RNF111: variants seen among roughly 807,000 people sequenced by gnomAD.
RNF111 encodes the protein E3 ubiquitin-protein ligase Arkadia.
Under a neutral mutation model 95.1 loss-of-function variants are expected in RNF111, and 17 were observed. That is an observed-to-expected ratio of 0.18 (90% CI 0.12 to 0.27). RNF111 has a LOEUF of 0.27. Among genes scored for constraint, RNF111 ranks in the 10% least tolerant of loss-of-function variants. The probability of loss-of-function intolerance (pLI) is 1.00; values close to 1 mark genes in which losing one functional copy is unlikely to be tolerated. For synonymous variants in RNF111, 440 were observed against 414.8 expected, an observed-to-expected ratio of 1.06 and a Z score of -0.74; for missense variants, 1,189 against 1,210.4, an observed-to-expected ratio of 0.98 and a Z score of 0.26.
intron 1 of RNF111, among the ~76,000 whole-genome samples, chr15:59,003,103 CTG>C (rs774524194): frequency 2.6e-5 from 4 of 152,162 alleles, no homozygotes; most frequent in Non-Finnish European, 4.4e-5. Flanking sequence ...AGTGATCCTA[CTG>C]CCTGTTTAAT....
intron 1 of RNF111, among the ~76,000 whole-genome samples, chr15:59,008,112 A>C (rs1042943077): frequency 9.2e-5 from 14 of 152,238 alleles, no homozygotes; most frequent in Non-Finnish European, 1.5e-4. Context: ...TGTTTTTTCT[A>C]GAAGCTTTAT....
rs565628794 is a variant in RNF111 at position 59,006,942 on chromosome 15, C to T, written c.-20+18874C>T. Among the ~76,000 whole-genome samples, 4 of 152,250 alleles carry T rather than the reference C, an allele frequency of 2.6e-5. No homozygotes were observed. In the East Asian group the frequency reaches 5.8e-4, roughly 22 times the overall value. On this transcript the variant is annotated intron_variant, in intron 1 of 13. Transcript: ENST00000348370. ...CTGGGATTGCAGGCGCCCGCTACCA[C>T]GCCCAGCTAATTTTTTTGTATTTTT... is the stretch of plus-strand genomic sequence containing the variant.
chr15:59,080,841 C>G (rs1271715198), intron 7 of RNF111, 95 bp from the exon 8 acceptor site: 2 of 972,408 alleles, frequency 2.1e-6, no homozygotes, highest in South Asian at 1.7e-5. Flanking sequence ...AAATAAAATA[C>G]TAATATGTTT....
At chr15:59,020,202 T>A (rs1485847424) in intron 1 of RNF111, among the ~76,000 whole-genome samples, 1 of 149,374 alleles carries the variant, frequency 6.7e-6, no homozygotes, top group Non-Finnish European at 1.5e-5. Context: ...TTTTGTAAGA[T>A]ACTTAATTCT....
intron 4 of RNF111, among the ~76,000 whole-genome samples, chr15:59,056,486 C>T (rs2042205412): frequency 6.6e-6 from 1 of 152,118 alleles, no homozygotes; most frequent in Non-Finnish European, 1.5e-5. Context: ...AGGAAATGGT[C>T]ACTCATAATT....
chr15:58,990,856 A>G (rs2038782560), intron 1 of RNF111, among the ~76,000 whole-genome samples: 1 of 152,172 alleles, frequency 6.6e-6, no homozygotes, highest in African/African-American at 2.4e-5. Flanking sequence ...GTTCAGTAAA[A>G]GTCCACAATT....
At chr15:59,067,349 TCCTTTC>T (rs1194815878) in intron 6 of RNF111, among the ~76,000 whole-genome samples, 1 of 150,982 alleles carries the variant, frequency 6.6e-6, no homozygotes, top group Non-Finnish European at 1.5e-5. Context: ...CTCTCCTTTC[TCCTTTC>T]CCTTCCCCTT....
At chr15:58,988,829 T>C (rs1250544524) in intron 1 of RNF111, among the ~76,000 whole-genome samples, 1 of 152,236 alleles carries the variant, frequency 6.6e-6, no homozygotes, top group African/African-American at 2.4e-5. Context: ...TTCCTGTTTC[T>C]TGATTTATGT....
At chr15:59,069,905 G>A (rs139494565) in intron 6 of RNF111, among the ~76,000 whole-genome samples, 75 of 151,636 alleles carry the variant, frequency 4.9e-4, no homozygotes, top group Non-Finnish European at 9.7e-4. Flanking sequence ...AATTAGACTG[G>A]CATACCGAGA....
At chr15:59,047,116 C>T (rs1449827330) in intron 2 of RNF111, among the ~76,000 whole-genome samples, 2 of 152,120 alleles carry the variant, frequency 1.3e-5, no homozygotes, top group Admixed American at 1.3e-4. Context: ...AGCCATCATG[C>T]CTGGCCAGGA....
Position 59,039,334 on chromosome 15 carries a change from G to A in RNF111, c.880+7632G>A, listed in dbSNP as rs546532397. 3.3e-5 allele frequency among the ~76,000 whole-genome samples: 5 copies of A among 152,216 alleles called. No homozygotes were observed. The East Asian group carries it at 9.6e-4, about 29-fold the overall frequency. On this transcript the variant is annotated intron_variant, in intron 2 of 13. Transcript: ENST00000348370. ...TTCTTCTATAAAGGAAGAACACTTT[G>A]TTCATCAGCTCATTGGTTATTCTGA...
chr15:58,996,649 C>CTT lies in RNF111; in HGVS notation c.-20+8609_-20+8610dup, dbSNP rs60350601. The stretch of plus-strand genomic sequence containing the variant: ...GTGATTGAAAACTCATCAGTACTTT[C>CTT]TTTTTTTTTTTTTTTTTTTTTTTTT... On this transcript the variant is annotated intron_variant, in intron 1 of 13. Transcript: ENST00000348370. Among the ~76,000 whole-genome samples, 864 of 100,634 alleles carry CTT rather than the reference C, an allele frequency of 8.6e-3. 60 individuals are homozygous for CTT. The highest frequency in any genetic ancestry group is 0.032 in the African/African-American group (823 of 25,524). The allele number at this position is 100,634 out of a possible 152,430, so 66.0% of individuals were successfully genotyped here. A position where few individuals can be genotyped will look rare whatever the true frequency, so the allele number is the denominator to read the frequency against.
Position 59,027,731 on chromosome 15 carries a change from C to G in RNF111, c.-19-3073C>G, listed in dbSNP as rs59050314. On this transcript the variant is annotated intron_variant, in intron 1 of 13. Coordinates refer to ENST00000348370, the MANE Select transcript of RNF111 (RefSeq NM_017610.8). Reference sequence around the variant, plus strand: ...TTTAGTAAGACAGGGTTTCTTTTCACCATGTTGGTCAGGCTGGTCTCAAAC... The same window carrying G: ...TTTAGTAAGACAGGGTTTCTTTTCAGCATGTTGGTCAGGCTGGTCTCAAAC... Among the ~76,000 whole-genome samples, 1,241 of 150,090 alleles carry G rather than the reference C, an allele frequency of 8.3e-3. 20 individuals carry two copies. Among genetic ancestry groups the G allele is most frequent in the African/African-American group, 0.029 (1,183 of 40,800 alleles).
At chr15:59,017,828 G>A (rs2040142997) in intron 1 of RNF111, among the ~76,000 whole-genome samples, 1 of 147,240 alleles carries the variant, frequency 6.8e-6, no homozygotes, top group African/African-American at 2.5e-5. Context: ...CACAATCTCG[G>A]CTCTCTGCAA....
chr15:59,070,045 T>A lies in RNF111; in HGVS notation c.1686+2962T>A, dbSNP rs1184522987. Among the ~76,000 whole-genome samples the A allele has an allele frequency of 1.3e-4, 17 of 131,786 alleles. 2 individuals are homozygous for A. Among genetic ancestry groups the A allele is most frequent in the Non-Finnish European group, 2.2e-4 (14 of 62,858 alleles). The allele number at this position is 131,786 out of a possible 152,430, so 86.5% of individuals were successfully genotyped here. On this transcript the variant is annotated intron_variant, in intron 6 of 13. Transcript: ENST00000348370. ...CACCTCCTGCTTTTTTTTTTTTTTT[T>A]TTTTTTTTTTTTTTAGAGAGGATCT... is the stretch of plus-strand genomic sequence containing the variant.
At chr15:59,046,254 C>T (rs183410144) in intron 2 of RNF111, among the ~76,000 whole-genome samples, 108 of 151,304 alleles carry the variant, frequency 7.1e-4, no homozygotes, top group East Asian at 1.9e-4. Flanking sequence ...ACTGCAGTGG[C>T]GCCATCAGGG....
At chr15:59,078,745 G>A (rs562100110) in intron 7 of RNF111, among the ~76,000 whole-genome samples, 20 of 151,934 alleles carry the variant, frequency 1.3e-4, no homozygotes, top group Non-Finnish European at 2.4e-4. Flanking sequence ...TGTAATCGCA[G>A]CTACTCGGGA....
At chr15:59,060,807 A>ATTATTTTTT (rs775493353) in intron 5 of RNF111, among the ~76,000 whole-genome samples, 1 of 144,244 alleles carries the variant, frequency 6.9e-6, no homozygotes, top group African/African-American at 2.6e-5. Flanking sequence ...TATTATTATT[A>ATTATTTTTT]TTTTTTTTTT....
chr15:59,018,066 T>G (rs944085017), intron 1 of RNF111, among the ~76,000 whole-genome samples: 3 of 152,194 alleles, frequency 2.0e-5, no homozygotes, highest in Non-Finnish European at 4.4e-5. Context: ...GCCTATTTGT[T>G]GAGCTCTTAT....
Sources: gnomAD v4.1 joint callset for allele counts (sites outside exome capture counted in the v4.1 genomes callset) on GRCh38, gnomAD v4.1.1 for gene constraint, MANE v1.5 for transcripts, NCBI Gene and HGNC (gene_info 2026-07-23, HGNC 2026-07-21) for gene names.